The following CYP11A1 variants were observed in gnomAD, a reference collection of about 807,000 sequenced individuals.
CYP11A1 encodes cholesterol side-chain cleavage enzyme, mitochondrial.
A neutral mutation model predicts 51.9 loss-of-function variants in CYP11A1; 25 were observed. The ratio of observed to expected loss-of-function variants is 0.48; its 90% CI spans 0.35 to 0.67. The LOEUF (loss-of-function observed/expected upper bound fraction) is 0.67. Ranked by LOEUF, CYP11A1 falls within the 30% of genes least tolerant of loss-of-function variation. The pLI is 0.00. For missense variants in CYP11A1, 578 were observed against 680.9 expected (o/e 0.85, Z 1.68); for synonymous variants, 245 against 262.1 (o/e 0.93, Z 0.63).
At chr15:74,346,243 C>T (rs972843592) in intron 2 of CYP11A1, among the ~76,000 whole-genome samples, 4 of 150,378 alleles carry the variant, frequency 2.7e-5, no homozygotes, top group African/African-American at 4.9e-5. Flanking sequence ...ATCCCAGCTA[C>T]GCCGGAGCTT....
rs1037970677 is a variant in CYP11A1, at chr15:74,342,437, A to G, written c.990+540T>C. Among the ~76,000 whole-genome samples the G allele has an allele frequency of 7.2e-5, 11 of 152,270 alleles. No individual in the cohort carries two copies. The South Asian group carries it at 1.5e-3, about 20-fold the overall frequency. On this transcript the variant is annotated intron_variant, in intron 5 of 8. Transcript: ENST00000268053. ...GAAGTTTCTAGGGTGCCATGCTGCTATGGAAAGAGCACTGGGGATGCCTCT... is the reference window on the plus strand; with the variant it reads ...GAAGTTTCTAGGGTGCCATGCTGCTGTGGAAAGAGCACTGGGGATGCCTCT...
intron 1 of CYP11A1, 34 bp from the exon 2 acceptor site, chr15:74,348,089 A>T (rs1242153511): frequency 1.2e-6 from 2 of 1,610,502 alleles, no homozygotes; most frequent in Non-Finnish European, 1.7e-6. Context: ...TGATGGAAGG[A>T]TCCGAGGAGA....
intron 7 of CYP11A1, 77 bp from the exon 8 acceptor site, chr15:74,338,845 C>T: frequency 7.4e-7 from 1 of 1,342,284 alleles, no homozygotes; most frequent in South Asian, 1.2e-5. Flanking sequence ...TTCCCTAGTC[C>T]CCTGCCCTCT....
intron 1 of CYP11A1, among the ~76,000 whole-genome samples, chr15:74,353,240 AT>A (rs2060663914): frequency 6.6e-6 from 1 of 152,256 alleles, no homozygotes; most frequent in Non-Finnish European, 1.5e-5. Context: ...GTAAGGAACC[AT>A]TAAGTAGGGG....
chr15:74,339,156 A>G, intron 7 of CYP11A1, 81 bp downstream of exon 7: 3 of 1,225,662 alleles, frequency 2.4e-6, no homozygotes, highest in South Asian at 1.2e-5. Flanking sequence ...CCAGGGCCCC[A>G]GTGCCACCCT....
chr15:74,350,996 G>A (rs967639215), intron 1 of CYP11A1: 11 of 152,294 alleles, frequency 7.2e-5, no homozygotes, highest in Admixed American at 6.5e-5. Context: ...CCATACAGGA[G>A]CTCTCTCTTT....
intron 3 of CYP11A1, among the ~76,000 whole-genome samples, chr15:74,344,701 A>G (rs567426532): frequency 9.2e-5 from 14 of 152,206 alleles, no homozygotes; most frequent in Non-Finnish European, 1.6e-4. Flanking sequence ...TCTATGGCCC[A>G]GGAGGTGGAG....
rs775856930 is a variant in CYP11A1, at chr15:74,338,127, TAGGGGAGGGC to T, written c.1435-34_1435-25del. The T allele has an allele frequency of 5.6e-6, 9 of 1,614,120 alleles. No homozygotes were observed. In the South Asian group the frequency reaches 9.9e-5, roughly 18 times the overall value. On this transcript the variant is annotated intron_variant, in intron 8 of 8. Coordinates refer to ENST00000268053, the MANE Select transcript of CYP11A1 (RefSeq NM_000781.3). ...ATCTGAGAAAGGCAGATGGTAGGTT[TAGGGGAGGGC>T]AGGGGAGGATCTGTCTCCCTAGCCA...
intron 5 of CYP11A1, among the ~76,000 whole-genome samples, chr15:74,342,001 C>T (rs1204465099): frequency 4.6e-5 from 7 of 152,196 alleles, no homozygotes; most frequent in Non-Finnish European, 8.8e-5. Flanking sequence ...TTGTTTAAAT[C>T]GCCCAGTCAA....
chr15:74,349,677 T>C (rs1215858021), intron 1 of CYP11A1, among the ~76,000 whole-genome samples: 2 of 152,206 alleles, frequency 1.3e-5, no homozygotes, highest in East Asian at 1.9e-4. Flanking sequence ...AGGATGTCCA[T>C]TGCAGCCTCA....
chr15:74,367,437 TCATTGAAGGGG>T lies in CYP11A1; in HGVS notation c.138_148del (p.Pro47AspfsTer6). 1 of 1,614,218 alleles carries T rather than the reference TCATTGAAGGGG, an allele frequency of 6.2e-7. No homozygotes were observed. The highest frequency in any genetic ancestry group is 8.5e-7 in the Non-Finnish European group (1 of 1,180,036). On this transcript the variant is annotated frameshift_variant, in exon 1 of 9. Transcript: ENST00000268053. LOFTEE classifies it high-confidence loss of function. ...GCCATTGTCACCAGGAGAGGGGATC[TCATTGAAGGGG>T]CGAGGACTGCGGGTGGAGATGCCAG...
At chr15:74,359,882 T>C (rs1252650472) in intron 1 of CYP11A1, among the ~76,000 whole-genome samples, 1 of 152,234 alleles carries the variant, frequency 6.6e-6, no homozygotes, top group East Asian at 1.9e-4. Context: ...TGGTTAAATA[T>C]AAAGTAGAAG....
At chr15:74,341,664 T>C (rs1411165562) in intron 5 of CYP11A1, among the ~76,000 whole-genome samples, 1 of 152,234 alleles carries the variant, frequency 6.6e-6, no homozygotes, top group East Asian at 1.9e-4. Context: ...TGCCTCCCTG[T>C]TATAGGCTGA....
At chr15:74,344,985 G>A in intron 3 of CYP11A1, 59 bp downstream of exon 3, 1 of 1,487,814 alleles carries the variant, frequency 6.7e-7, no homozygotes, top group Non-Finnish European at 9.4e-7. Context: ...AGGTAAGAGA[G>A]TGAACACTGA....
intron 3 of CYP11A1, among the ~76,000 whole-genome samples, chr15:74,344,354 T>A (rs2060622463): frequency 6.6e-6 from 1 of 152,144 alleles, no homozygotes; most frequent in Non-Finnish European, 1.5e-5. Flanking sequence ...AAATACTTCC[T>A]GAAACAGGTC....
At chr15:74,363,327 C>G (rs974710400) in intron 1 of CYP11A1, 13 of 152,228 alleles carry the variant, frequency 8.5e-5, no homozygotes, top group Admixed American at 5.9e-4. Context: ...CTCCGACTCC[C>G]AGGTTCAAGC....
rs541286517 is a variant in CYP11A1, at chr15:74,347,831, C to A, written c.425+69G>T. 25 of 1,568,870 alleles carry A rather than the reference C, an allele frequency of 1.6e-5. No individual in the cohort carries two copies. The East Asian group carries it at 5.2e-4, about 33-fold the overall frequency. On this transcript the variant is annotated intron_variant, in intron 2 of 8. Transcript: ENST00000268053. Reference sequence around the variant, plus strand: ...CAAGCCTGGCCTCAGCCCCTCACCCCCAGCCTCTGCCCTCTCCACAGCTCC... The same window carrying A: ...CAAGCCTGGCCTCAGCCCCTCACCCACAGCCTCTGCCCTCTCCACAGCTCC...
intron 1 of CYP11A1, among the ~76,000 whole-genome samples, chr15:74,349,924 C>T (rs927444211): frequency 6.6e-6 from 1 of 151,922 alleles, no homozygotes; most frequent in African/African-American, 2.4e-5. Flanking sequence ...TGCACTCCAC[C>T]CTGGGAGACA....
At chr15:74,362,246 T>G in intron 1 of CYP11A1, 1 of 358,766 alleles carries the variant, frequency 2.8e-6, no homozygotes, top group South Asian at 4.5e-5. Context: ...AAATTGTTTA[T>G]AACCAATGCT....
Sources: allele counts gnomAD v4.1 joint callset (sites outside exome capture counted in the v4.1 genomes callset), GRCh38; gene constraint gnomAD v4.1.1; transcripts MANE v1.5; gene names NCBI Gene and HGNC (gene_info 2026-07-23, HGNC 2026-07-21).